FREM1: variants seen among roughly 807,000 people sequenced by gnomAD.
The protein encoded by FREM1 is FRAS1-related extracellular matrix protein 1.
In FREM1, 220 loss-of-function variants were observed where a neutral mutation model predicts 210.1. The ratio of observed to expected loss-of-function variants is 1.05; its 90% confidence interval spans 0.94 to 1.17. The LOEUF (loss-of-function observed/expected upper bound fraction) is 1.17, where lower values mean the gene tolerates loss of function less well. Among genes scored for constraint, FREM1 ranks in the 50% most tolerant of loss-of-function variants. FREM1 has a pLI of 0.00. For missense variants in FREM1, 3,454 were observed against 2,675.5 expected (o/e 1.29, Z -6.42); for synonymous variants, 1,189 against 980.2 (o/e 1.21, Z -3.98).
At chr9:14,798,962 C>A (rs1053906885) in intron 20 of FREM1, among the ~76,000 whole-genome samples, 1 of 151,690 alleles carries the variant, frequency 6.6e-6, no homozygotes, top group African/African-American at 2.4e-5. Context: ...GTGTGAACCA[C>A]CACACCCGGT....
chr9:14,750,913 G>C (rs34464764), intron 29 of FREM1, among the ~76,000 whole-genome samples: 25,571 of 152,080 alleles, frequency 0.17, 2,749 homozygotes, highest in Middle Eastern at 0.31. Context: ...TATTCATGAA[G>C]TTACAATCAA....
chr9:14,884,674 A>G (rs1048914118), intron 1 of FREM1, among the ~76,000 whole-genome samples: 1 of 152,174 alleles, frequency 6.6e-6, no homozygotes, highest in Non-Finnish European at 1.5e-5. Flanking sequence ...TATAAACATG[A>G]TACTCCTGTC....
At chr9:14,878,270 G>C (rs987048166) in intron 1 of FREM1, among the ~76,000 whole-genome samples, 8 of 151,930 alleles carry the variant, frequency 5.3e-5, no homozygotes, top group Admixed American at 5.2e-4. Context: ...TGCTGACCCT[G>C]TCCCAGCCAC....
At chr9:14,826,456 C>A (rs1278090341) in intron 10 of FREM1, among the ~76,000 whole-genome samples, 2 of 152,176 alleles carry the variant, frequency 1.3e-5, no homozygotes, top group Admixed American at 6.5e-5. Flanking sequence ...AATGGACTGA[C>A]CATGTACTGG....
At chr9:14,811,226 T>C (rs1819339465) in intron 16 of FREM1, among the ~76,000 whole-genome samples, 1 of 151,066 alleles carries the variant, frequency 6.6e-6, no homozygotes, top group Non-Finnish European at 1.5e-5. Context: ...TTTGCCCCAA[T>C]GTCCTACTGG....
intron 24 of FREM1, among the ~76,000 whole-genome samples, chr9:14,781,210 C>G (rs1331573690): frequency 1.3e-5 from 2 of 152,172 alleles, no homozygotes; most frequent in African/African-American, 4.8e-5. Context: ...TATTGCATCT[C>G]TCGCAAGGTG....
intron 2 of FREM1, among the ~76,000 whole-genome samples, chr9:14,867,266 T>C (rs1831702425): frequency 6.6e-6 from 1 of 152,220 alleles, no homozygotes; most frequent in Non-Finnish European, 1.5e-5. Flanking sequence ...GGTTCTAGTA[T>C]GAGCAATCCC....
rs77135480 is a variant in FREM1 at position 14,746,472 on chromosome 9, A to G, written c.6139-4T>C. ...GACAGGATTTGTCTTCCACATCCTG[A>G]AAAACAGTTGTCTGTGTTCATATCA... On this transcript the variant is annotated splice_region_variant and splice_polypyrimidine_tract_variant and intron_variant, in intron 34 of 36. Transcript: ENST00000380880. 2,084 of 1,606,212 alleles carry G rather than the reference A, an allele frequency of 1.3e-3. 29 individuals are homozygous for G. The African/African-American group carries it at 0.025, about 20-fold the overall frequency.
rs187255733 is a variant in FREM1, at chr9:14,793,175, T to C, written c.3840-291A>G. Among the ~76,000 whole-genome samples the C allele has an allele frequency of 2.2e-4, 34 of 152,352 alleles. 1 individual carries two copies. Among genetic ancestry groups the C allele is most frequent in the African/African-American group, 7.2e-4 (30 of 41,576 alleles). On this transcript the variant is annotated intron_variant, in intron 21 of 36. Coordinates refer to ENST00000380880, the MANE Select transcript of FREM1 (RefSeq NM_001379081.2). The stretch of plus-strand genomic sequence containing the variant: ...CAATTTTGTAAGTTATAATTTATTC[T>C]ATAAAATGATCTTGTTTCCAGTATT...
intron 10 of FREM1, among the ~76,000 whole-genome samples, chr9:14,827,536 T>G (rs527483534): frequency 6.6e-6 from 1 of 152,240 alleles, no homozygotes; most frequent in South Asian, 2.1e-4. Flanking sequence ...AAGCAGAACT[T>G]AAAGATTTGA....
rs993715909 is a variant in FREM1, at chr9:14,795,093, T to A, written c.3840-2209A>T. Reference sequence around the variant, plus strand: ...CAGAAATGGAACTCTTCCAAAAAGTTCCTCAGTGAAATGAATGGGGGACTA... The same window carrying A: ...CAGAAATGGAACTCTTCCAAAAAGTACCTCAGTGAAATGAATGGGGGACTA... On this transcript the variant is annotated intron_variant, in intron 21 of 36. Coordinates refer to ENST00000380880, the MANE Select transcript of FREM1 (RefSeq NM_001379081.2). Among the ~76,000 whole-genome samples the A allele has an allele frequency of 2.6e-5, 4 of 152,136 alleles. No homozygotes were observed. In the South Asian group the frequency reaches 8.3e-4, roughly 32 times the overall value.
intron 1 of FREM1, among the ~76,000 whole-genome samples, chr9:14,887,387 C>T (rs892745499): frequency 1.3e-5 from 2 of 152,224 alleles, no homozygotes; most frequent in Non-Finnish European, 2.9e-5. Context: ...GCCCTTTCCC[C>T]TGTATCCTGA....
intron 4 of FREM1, 55 bp downstream of exon 4, chr9:14,859,128 T>G: frequency 7.2e-7 from 1 of 1,388,560 alleles, no homozygotes; most frequent in Non-Finnish European, 9.8e-7. Flanking sequence ...TGAGCATGCA[T>G]GGATATTTTT....
intron 1 of FREM1, among the ~76,000 whole-genome samples, chr9:14,892,657 G>A (rs1399313402): frequency 6.6e-6 from 1 of 152,076 alleles, no homozygotes; most frequent in Non-Finnish European, 1.5e-5. Context: ...AGGATCATGG[G>A]ACATGGGGAC....
intron 7 of FREM1, among the ~76,000 whole-genome samples, chr9:14,847,267 CAG>C: frequency 6.6e-6 from 1 of 152,150 alleles, no homozygotes; most frequent in African/African-American, 2.4e-5. Context: ...GACACCAGCT[CAG>C]CCATGCGTTT....
intron 1 of FREM1, among the ~76,000 whole-genome samples, chr9:14,908,191 A>C (rs747328819): frequency 1.3e-5 from 2 of 152,218 alleles, no homozygotes; most frequent in Non-Finnish European, 2.9e-5. Flanking sequence ...CATATTGTGA[A>C]ATGAGAATTT....
At chr9:14,789,535 T>A (rs1302940089) in intron 22 of FREM1, among the ~76,000 whole-genome samples, 1 of 152,190 alleles carries the variant, frequency 6.6e-6, no homozygotes, top group African/African-American at 2.4e-5. Context: ...CAAATATACT[T>A]TTTTTCAACA....
chr9:14,745,311 C>A (rs950142040), intron 35 of FREM1, among the ~76,000 whole-genome samples: 1 of 152,194 alleles, frequency 6.6e-6, no homozygotes, highest in Non-Finnish European at 1.5e-5. Context: ...CATATTTATA[C>A]TTCAAACTAT....
At position 14,737,530 on chromosome 9, in the gene FREM1, T is replaced by C. The variant is rs768963183; in HGVS notation, c.6406A>G (p.Asn2136Asp). Residue 2136 changes from asparagine to aspartate, a missense_variant, in exon 37 of 37, where the codon AAT (asparagine) becomes GAT (aspartate). By Grantham distance (23) the Asn-to-Asp change is conservative (BLOSUM62 1). Transcript: ENST00000380880. ...CGTTGAGAGGGCCCTCTTCTCCCAT[T>C]GGTGAAGGCAACAGGTTCACCACCG... Reference protein sequence around the residue: ...WIGGEPVAFTNGRRGPSQRSK... With the variant: ...WIGGEPVAFTDGRRGPSQRSK... 2 of 1,611,462 alleles carry C rather than the reference T, an allele frequency of 1.2e-6. No homozygotes were observed. Among genetic ancestry groups the C allele is most frequent in the Non-Finnish European group, 8.5e-7 (1 of 1,178,562 alleles).
Sources: allele counts gnomAD v4.1 joint callset (sites outside exome capture counted in the v4.1 genomes callset), GRCh38; gene constraint gnomAD v4.1.1; transcripts MANE v1.5; gene names NCBI Gene and HGNC (gene_info 2026-07-23, HGNC 2026-07-21).